CTTNBP2: variants seen among roughly 807,000 people sequenced by gnomAD.
The protein encoded by CTTNBP2 is cortactin binding protein 2.
Under a neutral mutation model 156.9 loss-of-function variants are expected in CTTNBP2, and 108 were observed. The ratio of observed to expected loss-of-function variants is 0.69; its 90% CI spans 0.59 to 0.81. The LOEUF is 0.81. CTTNBP2 is among the 30% of genes least tolerant of loss of function. The pLI is 0.00. For synonymous variants in CTTNBP2, 767 were observed against 751.8 expected, an observed-to-expected ratio of 1.02 and a Z score of -0.33; for missense variants, 1,924 against 2,035.4, an observed-to-expected ratio of 0.95 and a Z score of 1.05.
At chr7:117,857,964 A>G (rs2117228494) in intron 2 of CTTNBP2, among the ~76,000 whole-genome samples, 1 of 152,358 alleles carries the variant, frequency 6.6e-6, no homozygotes, top group Non-Finnish European at 1.5e-5. Flanking sequence ...CACCACAGTG[A>G]TACTATGATG....
chr7:117,819,367 TCACACACACACACACACACACACACA>T (rs71529472), intron 2 of CTTNBP2, among the ~76,000 whole-genome samples: 1 of 130,610 alleles, frequency 7.7e-6, no homozygotes, highest in African/African-American at 2.7e-5. Context: ...TCTCTCTCTC[TCACACACACACACACACACACACACA>T]CACACACACA....
At position 117,719,496 on chromosome 7, in the gene CTTNBP2, C is replaced by T; in HGVS notation, c.4644+8G>A. The stretch of plus-strand genomic sequence containing the variant: ...AGCCATTCAATGCCCCCCATTTGTA[C>T]TGCTCACCTTGCTGATATCAGACTC... On this transcript the variant is annotated splice_region_variant and intron_variant, in intron 21 of 22. Coordinates refer to ENST00000160373, the MANE Select transcript of CTTNBP2 (RefSeq NM_033427.3). The T allele has an allele frequency of 6.2e-7, 1 of 1,612,776 alleles. No homozygotes were observed. Among genetic ancestry groups the T allele is most frequent in the Middle Eastern group, 1.7e-4 (1 of 6,052 alleles).
Position 117,847,868 on chromosome 7 carries a change from G to C in CTTNBP2, c.189+13341C>G, listed in dbSNP as rs116168656. 9.3e-3 allele frequency among the ~76,000 whole-genome samples: 1,251 copies of C among 134,386 alleles called. 20 individuals carry two copies. Among genetic ancestry groups the C allele is most frequent in the African/African-American group, 0.034 (1,159 of 33,656 alleles). 88.2% of individuals were successfully genotyped at this position (134,386 alleles called of 152,430 possible). On this transcript the variant is annotated intron_variant, in intron 2 of 22. Transcript: ENST00000160373. Reference sequence around the variant, plus strand: ...TTTTTTTTGAGACAGAGTCTTGCCGGAGGGCAGTGGTGTAATCTTGGCTCA... The same window carrying C: ...TTTTTTTTGAGACAGAGTCTTGCCGCAGGGCAGTGGTGTAATCTTGGCTCA...
chr7:117,795,531 A>T (rs570138537), intron 3 of CTTNBP2, among the ~76,000 whole-genome samples: 1 of 152,094 alleles, frequency 6.6e-6, no homozygotes, highest in South Asian at 2.1e-4. Context: ...TGTTTTTCCT[A>T]ATGTCATCCA....
intron 2 of CTTNBP2, among the ~76,000 whole-genome samples, chr7:117,857,797 G>A (rs887428318): frequency 9.2e-5 from 14 of 151,994 alleles, no homozygotes; most frequent in Non-Finnish European, 1.9e-4. Flanking sequence ...ATCTCATAAT[G>A]TAAAACAAAA....
At chr7:117,782,620 T>C (rs1438744323) in intron 6 of CTTNBP2, among the ~76,000 whole-genome samples, 1 of 152,176 alleles carries the variant, frequency 6.6e-6, no homozygotes, top group East Asian at 1.9e-4. Context: ...CCAAAGAAAG[T>C]TCATTCACGT....
chr7:117,749,293 T>C (rs199855355), intron 12 of CTTNBP2, among the ~76,000 whole-genome samples: 1 of 152,212 alleles, frequency 6.6e-6, no homozygotes, highest in African/African-American at 2.4e-5. Flanking sequence ...TCACTGGCTG[T>C]CCACAAATTG....
At chr7:117,761,490 C>T (rs966052782) in intron 9 of CTTNBP2, among the ~76,000 whole-genome samples, 22 of 152,124 alleles carry the variant, frequency 1.4e-4, no homozygotes, top group Non-Finnish European at 2.9e-5. Context: ...ATTCTATGTT[C>T]ATTGAACTGA....
At chr7:117,734,197 C>T (rs1018935417) in intron 16 of CTTNBP2, among the ~76,000 whole-genome samples, 1 of 152,196 alleles carries the variant, frequency 6.6e-6, no homozygotes, top group African/African-American at 2.4e-5. Context: ...TTCTGTGAAG[C>T]AGCTAGCAGT....
intron 8 of CTTNBP2, among the ~76,000 whole-genome samples, chr7:117,768,741 A>G (rs913402355): frequency 1.3e-5 from 2 of 152,100 alleles, no homozygotes; most frequent in Non-Finnish European, 2.9e-5. Flanking sequence ...GGCAACTACT[A>G]TCTGCTTTCT....
intron 8 of CTTNBP2, among the ~76,000 whole-genome samples, chr7:117,773,156 T>G (rs1797882900): frequency 6.6e-6 from 1 of 152,222 alleles, no homozygotes; most frequent in African/African-American, 2.4e-5. Flanking sequence ...TAATGTTCTC[T>G]CTTCTGAACT....
chr7:117,856,813 G>C (rs1032764707), intron 2 of CTTNBP2, among the ~76,000 whole-genome samples: 1 of 152,078 alleles, frequency 6.6e-6, no homozygotes, highest in Non-Finnish European at 1.5e-5. Flanking sequence ...TAAAATGTAG[G>C]CTTAAGCACA....
At chr7:117,730,852 C>T (rs537995600) in intron 16 of CTTNBP2, among the ~76,000 whole-genome samples, 18 of 142,898 alleles carry the variant, frequency 1.3e-4, no homozygotes, top group African/African-American at 4.7e-4. Flanking sequence ...TTTTTATCTT[C>T]ATTAATATTC....
At chr7:117,737,012 G>C (rs1204221917) in intron 14 of CTTNBP2, among the ~76,000 whole-genome samples, 1 of 152,092 alleles carries the variant, frequency 6.6e-6, no homozygotes, top group Non-Finnish European at 1.5e-5. Context: ...CACTGTAAAT[G>C]AATCTCTTCT....
At chr7:117,799,925 AAT>A (rs1799522904) in intron 3 of CTTNBP2, among the ~76,000 whole-genome samples, 1 of 152,114 alleles carries the variant, frequency 6.6e-6, no homozygotes, top group South Asian at 2.1e-4. Flanking sequence ...CAAAAAATAA[AAT>A]ATGAGTAACA....
chr7:117,753,000 G>A (rs1462971270), intron 12 of CTTNBP2, among the ~76,000 whole-genome samples: 1 of 152,136 alleles, frequency 6.6e-6, no homozygotes, highest in Non-Finnish European at 1.5e-5. Flanking sequence ...GAACATTTTT[G>A]CAATCTATCC....
chr7:117,842,377 A>G (rs538176051), intron 2 of CTTNBP2, among the ~76,000 whole-genome samples: 1 of 152,044 alleles, frequency 6.6e-6, no homozygotes, highest in African/African-American at 2.4e-5. Context: ...ATTTTTTTGT[A>G]TTTTTAGTAG....
At chr7:117,787,800 A>G (rs372423829) in intron 4 of CTTNBP2, among the ~76,000 whole-genome samples, 2 of 152,262 alleles carry the variant, frequency 1.3e-5, no homozygotes, top group African/African-American at 4.8e-5. Flanking sequence ...TGTCATTCCA[A>G]TTTTCCTTGG....
chr7:117,740,562 A>C (rs1371148235), intron 14 of CTTNBP2, among the ~76,000 whole-genome samples: 1 of 152,214 alleles, frequency 6.6e-6, no homozygotes, highest in African/African-American at 2.4e-5. Context: ...CAGTTGTGGT[A>C]CTTACTATTT....
Sources: gnomAD v4.1 joint callset for allele counts (sites outside exome capture counted in the v4.1 genomes callset) on GRCh38, gnomAD v4.1.1 for gene constraint, MANE v1.5 for transcripts, NCBI Gene and HGNC (gene_info 2026-07-23, HGNC 2026-07-21) for gene names.